Variants in LRBA observed in about 807,000 individuals in gnomAD.
The protein encoded by LRBA is LPS responsive beige-like anchor protein.
In LRBA, 176 loss-of-function variants were observed where a neutral mutation model predicts 330.0. The ratio of observed to expected loss-of-function variants is 0.53; its 90% CI spans 0.47 to 0.60. LRBA has a LOEUF of 0.60. Among genes scored for constraint, LRBA ranks in the 20% least tolerant of loss-of-function variants. The pLI, the probability that LRBA is intolerant of heterozygous loss-of-function variation, is 0.00. For missense variants in LRBA, 3,259 were observed against 3,444.8 expected (o/e 0.95, Z 1.35); for synonymous variants, 1,230 against 1,193.0 (o/e 1.03, Z -0.64).
chr4:150,680,444 CA>C (rs1283451222), intron 37 of LRBA, among the ~76,000 whole-genome samples: 2 of 152,132 alleles, frequency 1.3e-5, no homozygotes, highest in Non-Finnish European at 2.9e-5. Context: ...CACTAGGTGT[CA>C]AAAGATATTA....
rs556882175 is a variant in LRBA, at chr4:150,865,417, T to G, written c.2766+2254A>C. ...TATACAATATATAAAGGAATGGTAG[T>G]GGATACATTCTAGCACAATTTTATT... is the stretch of plus-strand genomic sequence containing the variant. On this transcript the variant is annotated intron_variant, in intron 22 of 56. Coordinates refer to ENST00000651943, the MANE Select transcript of LRBA (RefSeq NM_001364905.1). 9.7e-4 allele frequency among the ~76,000 whole-genome samples: 148 copies of G among 152,316 alleles called. 2 individuals carry two copies. The highest frequency in any genetic ancestry group is 1.6e-3 in the Non-Finnish European group (108 of 68,006).
At chr4:150,527,379 C>G (rs1002395115) in intron 40 of LRBA, among the ~76,000 whole-genome samples, 5 of 152,094 alleles carry the variant, frequency 3.3e-5, no homozygotes, top group Non-Finnish European at 7.4e-5. Context: ...AGTTCTATAC[C>G]TAATCAAACT....
chr4:150,311,094 A>G (rs1731001230), intron 51 of LRBA: 1 of 152,208 alleles, frequency 6.6e-6, no homozygotes, highest in African/African-American at 2.4e-5. Context: ...GTTTGTCACC[A>G]AGAAAAAGGT....
At chr4:150,817,433 T>C (rs1328252716) in intron 30 of LRBA, among the ~76,000 whole-genome samples, 176 bp from the exon 31 acceptor site, 1 of 152,094 alleles carries the variant, frequency 6.6e-6, no homozygotes, top group Non-Finnish European at 1.5e-5. Flanking sequence ...ATACTGTCCA[T>C]ATTTATCTGC....
chr4:150,319,641 T>A (rs1203378914), intron 50 of LRBA, among the ~76,000 whole-genome samples: 1 of 152,222 alleles, frequency 6.6e-6, no homozygotes, highest in Non-Finnish European at 1.5e-5. Flanking sequence ...CCTCCATTTT[T>A]ACTGTCTCTA....
chr4:150,342,178 A>C (rs1298911697), intron 48 of LRBA, among the ~76,000 whole-genome samples: 1 of 152,050 alleles, frequency 6.6e-6, no homozygotes, highest in African/African-American at 2.4e-5. Flanking sequence ...TTTTTCAAAA[A>C]TGGGGTTAGA....
chr4:150,707,980 C>A (rs1785799824), intron 36 of LRBA, among the ~76,000 whole-genome samples: 1 of 151,562 alleles, frequency 6.6e-6, no homozygotes. Flanking sequence ...CCTATGACAT[C>A]AAGTAAAAGA....
chr4:151,002,915 G>A (rs774045640), intron 2 of LRBA, among the ~76,000 whole-genome samples: 1 of 152,052 alleles, frequency 6.6e-6, no homozygotes, highest in Non-Finnish European at 1.5e-5. Flanking sequence ...TCAGGAGGCT[G>A]AGATGAGAGG....
chr4:150,929,314 T>C (rs1023285759), intron 2 of LRBA, among the ~76,000 whole-genome samples: 3 of 152,324 alleles, frequency 2.0e-5, no homozygotes, highest in South Asian at 4.1e-4. Flanking sequence ...TTAGGTAAAT[T>C]GCTATCTACT....
intron 46 of LRBA, among the ~76,000 whole-genome samples, chr4:150,434,679 C>T (rs1750868782): frequency 6.6e-6 from 1 of 151,896 alleles, no homozygotes; most frequent in African/African-American, 2.4e-5. Context: ...TAGGGAGACC[C>T]CATCTTTACA....
intron 2 of LRBA, among the ~76,000 whole-genome samples, chr4:150,983,675 G>A (rs926846803): frequency 6.6e-6 from 1 of 150,802 alleles, no homozygotes; most frequent in East Asian, 2.0e-4. Flanking sequence ...GGCTGGTCTC[G>A]AACTCCTGTC....
intron 48 of LRBA, among the ~76,000 whole-genome samples, chr4:150,335,040 G>C (rs1444860547): frequency 6.6e-6 from 1 of 151,846 alleles, no homozygotes; most frequent in Non-Finnish European, 1.5e-5. Context: ...ATGTTGTCCA[G>C]GCTGGTCTCA....
intron 37 of LRBA, among the ~76,000 whole-genome samples, chr4:150,661,277 C>A (rs1269647024): frequency 1.3e-5 from 2 of 151,266 alleles, no homozygotes. Context: ...TCATGACCAG[C>A]CCGGGCAACA....
chr4:150,639,823 A>G (rs867325454), intron 37 of LRBA, among the ~76,000 whole-genome samples: 994 of 7,348 alleles, frequency 0.14, 305 homozygotes, highest in Non-Finnish European at 0.25. Context: ...GTGTGTGTAT[A>G]TATATATATA....
intron 37 of LRBA, among the ~76,000 whole-genome samples, chr4:150,625,289 T>C (rs1776739630): frequency 6.6e-6 from 1 of 152,168 alleles, no homozygotes; most frequent in South Asian, 2.1e-4. Flanking sequence ...ATATACATCA[T>C]ACAAGTGACC....
Position 150,914,249 on chromosome 4 carries a change from T to G in LRBA, c.1107A>C (p.Glu369Asp). ...CAAATATCTGAGCTGCATTTAGAGC[T>G]TCACTGAAAAGGTAAACTGCAGTCA... Reference protein sequence around the residue: ...GQMTAVYLFSEALNAAQIFAI... With the variant: ...GQMTAVYLFSDALNAAQIFAI... The change falls in exon 9 of 57, where the codon GAA becomes GAC. Residue 369 changes from glutamate (E) to aspartate (D), a missense_variant. By Grantham distance (45) the Glu-to-Asp change is conservative. Transcript: ENST00000651943. The G allele has an allele frequency of 6.2e-7, 1 of 1,611,332 alleles. No individual in the cohort carries two copies. Among genetic ancestry groups the G allele is most frequent in the Non-Finnish European group, 8.5e-7 (1 of 1,178,380 alleles).
intron 34 of LRBA, among the ~76,000 whole-genome samples, chr4:150,786,278 A>G (rs1233041164): frequency 8.4e-4 from 116 of 138,282 alleles, no homozygotes; most frequent in African/African-American, 2.9e-3. Context: ...TTTGAGATGG[A>G]GTCGCCTGGG....
At chr4:150,588,309 T>C in intron 39 of LRBA, 125 bp from the exon 40 acceptor site, 3 of 853,164 alleles carry the variant, frequency 3.5e-6, no homozygotes, top group Non-Finnish European at 5.1e-6. Context: ...GCCAACTACT[T>C]CTACAGTTAA....
chr4:150,680,510 T>G (rs1392080624), intron 37 of LRBA, among the ~76,000 whole-genome samples: 1 of 152,202 alleles, frequency 6.6e-6, no homozygotes, highest in Non-Finnish European at 1.5e-5. Context: ...AAATAATATT[T>G]TCATTTTCAG....
Sources: allele counts gnomAD v4.1 joint callset (sites outside exome capture counted in the v4.1 genomes callset), GRCh38; gene constraint gnomAD v4.1.1; transcripts MANE v1.5; gene names NCBI Gene and HGNC (gene_info 2026-07-23, HGNC 2026-07-21).